SNX25: variants seen among roughly 807,000 people sequenced by gnomAD.
SNX25 encodes sorting nexin-25.
Under a neutral mutation model 113.7 loss-of-function variants are expected in SNX25, and 62 were observed. The ratio of observed to expected loss-of-function variants is 0.55; its 90% CI spans 0.44 to 0.67. The LOEUF (loss-of-function observed/expected upper bound fraction) is 0.67, where lower values mean the gene tolerates loss of function less well. SNX25 is among the 30% of genes least tolerant of loss of function. The probability of loss-of-function intolerance (pLI) is 0.00; values close to 1 mark genes in which losing one functional copy is unlikely to be tolerated. For synonymous variants in SNX25, 421 were observed against 436.2 expected, an observed-to-expected ratio of 0.97 and a Z score of 0.43; for missense variants, 1,014 against 1,161.0, an observed-to-expected ratio of 0.87 and a Z score of 1.84.
intron 4 of SNX25, among the ~76,000 whole-genome samples, chr4:185,264,952 AG>A (rs1285399149): frequency 1.3e-5 from 2 of 151,910 alleles, no homozygotes; most frequent in Non-Finnish European, 2.9e-5. Flanking sequence ...TAATATCCAT[AG>A]TATGTATGTT....
At chr4:185,264,898 A>G (rs544872601) in intron 4 of SNX25, among the ~76,000 whole-genome samples, 1 of 152,254 alleles carries the variant, frequency 6.6e-6, no homozygotes, top group East Asian at 1.9e-4. Flanking sequence ...GGCCAATAAT[A>G]TATACATTAA....
intron 5 of SNX25, among the ~76,000 whole-genome samples, chr4:185,286,049 A>T (rs1439802478): frequency 6.6e-6 from 1 of 151,454 alleles, no homozygotes; most frequent in Non-Finnish European, 1.5e-5. Flanking sequence ...AAGTATTGGG[A>T]TTATAGGCAT....
At chr4:185,297,704 G>A (rs1753028160) in intron 6 of SNX25, among the ~76,000 whole-genome samples, 1 of 152,104 alleles carries the variant, frequency 6.6e-6, no homozygotes. Flanking sequence ...GTTTGCAGAT[G>A]GCGTCCTTGC....
intron 15 of SNX25, among the ~76,000 whole-genome samples, chr4:185,353,881 TA>T: frequency 6.6e-6 from 1 of 152,116 alleles, no homozygotes; most frequent in African/African-American, 2.4e-5. Flanking sequence ...CCGTTTCTAC[TA>T]AAAATACAAA....
At chr4:185,260,976 C>A (rs191204828) in intron 3 of SNX25, among the ~76,000 whole-genome samples, 90 of 152,252 alleles carry the variant, frequency 5.9e-4, no homozygotes, top group Non-Finnish European at 7.4e-5. Context: ...GCTGTGCTAT[C>A]CGTTATTTCA....
At chr4:185,325,794 T>C (rs552849558) in intron 9 of SNX25, among the ~76,000 whole-genome samples, 1 of 152,298 alleles carries the variant, frequency 6.6e-6, no homozygotes, top group Admixed American at 6.5e-5. Flanking sequence ...TTGGGGTTCC[T>C]GGCCTGTCAA....
At chr4:185,369,423 T>C (rs998338216) in intron 11 of SNX25, among the ~76,000 whole-genome samples, 1 of 151,838 alleles carries the variant, frequency 6.6e-6, no homozygotes, top group African/African-American at 2.4e-5. Context: ...TTAGTATTTT[T>C]AGTAGAGACC....
Position 185,232,360 on chromosome 4 carries a change from A to G in SNX25, c.430-14934A>G, listed in dbSNP as rs1176945588. Among the ~76,000 whole-genome samples, 1 of 151,758 alleles carries G rather than the reference A, an allele frequency of 6.6e-6. No individual in the cohort carries two copies. The highest frequency in any genetic ancestry group is 1.5e-5 in the Non-Finnish European group (1 of 67,956). On this transcript the variant is annotated intron_variant, in intron 1 of 18. Transcript: ENST00000652585. The surrounding 1 kb of genome is among the most constrained non-coding windows in gnomAD (Gnocchi z 4.4). ...CCCCTTATAAGGTTATACCCCATCC[A>G]TCCCCTTCCCCGCTTAAGTTTCAAT... is the stretch of plus-strand genomic sequence containing the variant.
At chr4:185,222,533 C>T (rs940451197) in intron 1 of SNX25, among the ~76,000 whole-genome samples, 2 of 152,128 alleles carry the variant, frequency 1.3e-5, no homozygotes, top group African/African-American at 4.8e-5. Flanking sequence ...AGGTATACAG[C>T]GCCCTATATC....
chr4:185,301,007 C>T (rs1187063766), intron 6 of SNX25, among the ~76,000 whole-genome samples: 1 of 152,122 alleles, frequency 6.6e-6, no homozygotes, highest in Non-Finnish European at 1.5e-5. Context: ...CCTTTTCCTA[C>T]CCTCCTTTCA....
At chr4:185,366,080 T>A (rs1204122313), downstream of SNX25, 1 of 152,236 alleles carries the variant, frequency 6.6e-6, no homozygotes, top group South Asian at 2.1e-4. Flanking sequence ...TCCTTTAATA[T>A]GTTTATAAAA....
chr4:185,293,262 G>A (rs1200704988), intron 6 of SNX25, among the ~76,000 whole-genome samples: 1 of 152,168 alleles, frequency 6.6e-6, no homozygotes, highest in East Asian at 1.9e-4. Flanking sequence ...ATTACCATGT[G>A]ACCTAGCATT....
intron 14 of SNX25, among the ~76,000 whole-genome samples, chr4:185,352,746 G>A (rs1017065966): frequency 1.3e-5 from 2 of 152,156 alleles, no homozygotes; most frequent in African/African-American, 4.8e-5. Context: ...CTCGCCTGAT[G>A]TAAGTAAGTA....
At chr4:185,289,975 C>T (rs1023150212) in intron 6 of SNX25, among the ~76,000 whole-genome samples, 3 of 152,168 alleles carry the variant, frequency 2.0e-5, no homozygotes, top group African/African-American at 7.2e-5. Flanking sequence ...CTTCTGAGAG[C>T]GGTGAGGAAG....
chr4:185,289,163 C>T (rs1751796354), intron 6 of SNX25, among the ~76,000 whole-genome samples: 1 of 152,220 alleles, frequency 6.6e-6, no homozygotes, highest in African/African-American at 2.4e-5. Flanking sequence ...TATGTCCATT[C>T]AGCAGTGTTT....
At chr4:185,320,697 G>A (rs369132610) in intron 7 of SNX25, 36 bp from the exon 8 acceptor site, 13 of 1,380,710 alleles carry the variant, frequency 9.4e-6, no homozygotes, top group Non-Finnish European at 1.0e-5. Context: ...TTTAAAATTC[G>A]ATTTTAAAAA....
At chr4:185,320,947 GA>G in intron 8 of SNX25, 83 bp downstream of exon 8, 1 of 1,247,182 alleles carries the variant, frequency 8.0e-7, no homozygotes, top group Non-Finnish European at 1.1e-6. Context: ...TTTTTCTCAA[GA>G]TAAGTATACA....
chr4:185,323,406 C>T, intron 8 of SNX25, 122 bp from the exon 9 acceptor site: 1 of 848,672 alleles, frequency 1.2e-6, no homozygotes. Context: ...ACACAAAATT[C>T]TACATACCAG....
chr4:185,302,473 C>T (rs1341562999), intron 6 of SNX25, among the ~76,000 whole-genome samples: 4 of 152,184 alleles, frequency 2.6e-5, no homozygotes. Context: ...GGACACCCAG[C>T]ACTAGCTTGG....
Sources: allele counts gnomAD v4.1 joint callset (sites outside exome capture counted in the v4.1 genomes callset), GRCh38; gene constraint gnomAD v4.1.1; non-coding constraint Gnocchi (gnomAD v3.1); transcripts MANE v1.5; gene names NCBI Gene and HGNC (gene_info 2026-07-23, HGNC 2026-07-21).